The following RUFY3 variants were observed in gnomAD, a reference collection of about 807,000 sequenced individuals.
RUFY3 encodes protein RUFY3.
In RUFY3, 34 loss-of-function variants were observed where a neutral mutation model predicts 84.0. The ratio of observed to expected loss-of-function variants is 0.40; its 90% CI spans 0.31 to 0.54. RUFY3 has a LOEUF of 0.54. RUFY3 is among the 20% of genes least tolerant of loss of function. The pLI, the probability that RUFY3 is intolerant of heterozygous loss-of-function variation, is 0.39. For missense variants in RUFY3, 507 were observed against 736.8 expected (o/e 0.69, Z 3.61); for synonymous variants, 242 against 252.9 (o/e 0.96, Z 0.41).
At chr4:70,776,787 A>G (rs1364793899) in intron 7 of RUFY3, among the ~76,000 whole-genome samples, 1 of 152,236 alleles carries the variant, frequency 6.6e-6, no homozygotes, top group African/African-American at 2.4e-5. Context: ...AAACAAAACA[A>G]AACAAAACAA....
chr4:70,802,831 TATAAA>T (rs1732396573), intron 15 of RUFY3, 120 bp from the exon 16 acceptor site: 3 of 632,896 alleles, frequency 4.7e-6, no homozygotes, highest in African/African-American at 1.8e-5. Context: ...TTCTAAGTAA[TATAAA>T]AGACCTACAG....
chr4:70,793,570 C>G (rs1731130067), intron 12 of RUFY3: 8 of 1,430,554 alleles, frequency 5.6e-6, no homozygotes, highest in Non-Finnish European at 6.4e-6. Flanking sequence ...TTTTCCTCTG[C>G]CTGGTTCACC....
intron 12 of RUFY3, 71 bp from the exon 13 acceptor site, chr4:70,793,714 G>A: frequency 6.2e-7 from 1 of 1,610,528 alleles, no homozygotes. Flanking sequence ...TTTATTTTGT[G>A]TTGTGAACTT....
chr4:70,805,917 T>A (rs1028418866), intron 17 of RUFY3, among the ~76,000 whole-genome samples: 10 of 152,210 alleles, frequency 6.6e-5, no homozygotes, highest in Admixed American at 6.5e-4. Context: ...CTATAGTGAC[T>A]TCTTGCTCTC....
intron 1 of RUFY3, among the ~76,000 whole-genome samples, chr4:70,762,047 G>C (rs1725120581): frequency 6.6e-6 from 1 of 152,166 alleles, no homozygotes; most frequent in Non-Finnish European, 1.5e-5. Context: ...CAGGCATGGT[G>C]GCTCACGCGT....
intron 1 of RUFY3, among the ~76,000 whole-genome samples, chr4:70,725,032 A>C (rs1050791326): frequency 3.9e-5 from 6 of 152,148 alleles, no homozygotes; most frequent in Non-Finnish European, 5.9e-5. Flanking sequence ...TGACCACCCA[A>C]ATCCTAGAGT....
intron 1 of RUFY3, among the ~76,000 whole-genome samples, chr4:70,761,644 A>G (rs1725053890): frequency 6.6e-6 from 1 of 152,196 alleles, no homozygotes; most frequent in African/African-American, 2.4e-5. Flanking sequence ...GCACCAATAA[A>G]TGAAGGTAAT....
intron 12 of RUFY3, chr4:70,792,465 C>A (rs1730973795): frequency 1.0e-6 from 1 of 985,112 alleles, no homozygotes. Flanking sequence ...CAGACTAACC[C>A]TTTCTAGGCT....
intron 13 of RUFY3, among the ~76,000 whole-genome samples, chr4:70,794,353 GGT>G (rs1731243177): frequency 6.6e-6 from 1 of 152,120 alleles, no homozygotes; most frequent in African/African-American, 2.4e-5. Flanking sequence ...GGCCAAGGCA[GGT>G]GTATCACCTG....
chr4:70,797,570 C>T (rs754540592), intron 14 of RUFY3, among the ~76,000 whole-genome samples: 1 of 152,164 alleles, frequency 6.6e-6, no homozygotes, highest in South Asian at 2.1e-4. Context: ...CTAGGCCAGG[C>T]ACGGTGGCTC....
intron 8 of RUFY3, among the ~76,000 whole-genome samples, chr4:70,780,850 CTTAT>C (rs926415209): frequency 5.3e-5 from 8 of 152,202 alleles, no homozygotes; most frequent in Non-Finnish European, 1.0e-4. Flanking sequence ...TATTCATTGA[CTTAT>C]TTATTTTACC....
At chr4:70,765,049 G>T (rs985053875) in intron 4 of RUFY3, among the ~76,000 whole-genome samples, 11 of 151,778 alleles carry the variant, frequency 7.2e-5, no homozygotes, top group Admixed American at 2.6e-4. Context: ...TTAGCCGGGC[G>T]TGGCGGTGGA....
chr4:70,733,095 G>GGAGA (rs1203024723), intron 1 of RUFY3, among the ~76,000 whole-genome samples: 46 of 61,736 alleles, frequency 7.5e-4, no homozygotes, highest in Non-Finnish European at 1.1e-3. Flanking sequence ...GAGAGAGAGA[G>GGAGA]GAGAGAGAGA....
chr4:70,733,324 G>T (rs1454465055), intron 1 of RUFY3, among the ~76,000 whole-genome samples: 1 of 152,080 alleles, frequency 6.6e-6, no homozygotes, highest in East Asian at 1.9e-4. Context: ...ATAATTTGTT[G>T]TTTAAATATA....
At chr4:70,705,759 C>A (rs1740254474) in intron 1 of RUFY3, among the ~76,000 whole-genome samples, 1 of 152,126 alleles carries the variant, frequency 6.6e-6, no homozygotes, top group African/African-American at 2.4e-5. Context: ...GGGCTCCCGG[C>A]GCCGCGGCAG....
intron 4 of RUFY3, 134 bp downstream of exon 4, chr4:70,764,710 T>C (rs1236528728): frequency 1.7e-6 from 1 of 597,254 alleles, no homozygotes; most frequent in African/African-American, 1.9e-5. Context: ...CTTTCTCTCA[T>C]ACCTCACACA....
chr4:70,744,889 A>T (rs1369004781), intron 1 of RUFY3, among the ~76,000 whole-genome samples: 1 of 151,932 alleles, frequency 6.6e-6, no homozygotes, highest in Non-Finnish European at 1.5e-5. Context: ...TCCTGGCCTC[A>T]GGTGATGCGC....
chr4:70,731,783 G>A (rs1260408751), intron 1 of RUFY3, among the ~76,000 whole-genome samples: 1 of 152,078 alleles, frequency 6.6e-6, no homozygotes, highest in East Asian at 1.9e-4. Context: ...GGCCAGGCTG[G>A]TCTTGAACTC....
chr4:70,783,994 A>T (rs1729359621), intron 9 of RUFY3, among the ~76,000 whole-genome samples: 1 of 152,216 alleles, frequency 6.6e-6, no homozygotes, highest in African/African-American at 2.4e-5. Context: ...AATTGTTCTT[A>T]AAGAGTTACT....
Sources: gnomAD v4.1 joint callset for allele counts (sites outside exome capture counted in the v4.1 genomes callset) on GRCh38, gnomAD v4.1.1 for gene constraint, MANE v1.5 for transcripts, NCBI Gene and HGNC (gene_info 2026-07-23, HGNC 2026-07-21) for gene names.